Variants in LDLRAD3 observed in about 807,000 individuals in gnomAD.
The protein encoded by LDLRAD3 is low-density lipoprotein receptor class A domain-containing protein 3.
A neutral mutation model predicts 29.4 loss-of-function variants in LDLRAD3; 20 were observed. The observed-to-expected ratio is 0.68, with a 90% CI of 0.48 to 0.99. LDLRAD3 has a LOEUF of 0.99. LDLRAD3 is among the 50% of genes least tolerant of loss of function. The pLI, the probability that LDLRAD3 is intolerant of heterozygous loss-of-function variation, is 0.00. For synonymous variants in LDLRAD3, 157 were observed against 192.7 expected, an observed-to-expected ratio of 0.81 and a Z score of 1.53; for missense variants, 420 against 454.3, an observed-to-expected ratio of 0.92 and a Z score of 0.69.
intron 4 of LDLRAD3, among the ~76,000 whole-genome samples, chr11:36,115,281 G>C (rs1853659283): frequency 6.6e-6 from 1 of 152,198 alleles, no homozygotes; most frequent in East Asian, 1.9e-4. Flanking sequence ...CTAAACCATA[G>C]AAACTGTGAG....
intron 1 of LDLRAD3, among the ~76,000 whole-genome samples, chr11:35,966,707 A>G (rs1347255096): frequency 6.6e-6 from 1 of 152,188 alleles, no homozygotes; most frequent in African/African-American, 2.4e-5. Context: ...AGTTATATAC[A>G]GTCTTACTTT....
At chr11:36,182,120 G>A (rs1252542790) in intron 4 of LDLRAD3, among the ~76,000 whole-genome samples, 1 of 152,228 alleles carries the variant, frequency 6.6e-6, no homozygotes, top group African/African-American at 2.4e-5. Flanking sequence ...CTAGACAGGA[G>A]TGGTGGAAGT....
intron 4 of LDLRAD3, among the ~76,000 whole-genome samples, chr11:36,150,387 G>T (rs528914160): frequency 1.3e-5 from 2 of 152,028 alleles, no homozygotes; most frequent in Non-Finnish European, 2.9e-5. Context: ...AATTAGCCAG[G>T]CGTGGTACCA....
At position 35,992,148 on chromosome 11, in the gene LDLRAD3, G is replaced by T. The variant is rs139956923; in HGVS notation, c.47-43955G>T. 6.1e-4 allele frequency among the ~76,000 whole-genome samples: 93 copies of T among 152,270 alleles called. 2 individuals are homozygous for T. The East Asian group carries it at 0.014, about 23-fold the overall frequency. ...TCCAAAGGTTAGATTTCTCTGAAATGACTGGTTTTTCAAGATAGTAGGAAA... is the reference window on the plus strand; with the variant it reads ...TCCAAAGGTTAGATTTCTCTGAAATTACTGGTTTTTCAAGATAGTAGGAAA... On this transcript the variant is annotated intron_variant, in intron 1 of 5. Coordinates refer to ENST00000315571, the MANE Select transcript of LDLRAD3 (RefSeq NM_174902.4).
intron 4 of LDLRAD3, among the ~76,000 whole-genome samples, chr11:36,110,971 G>C (rs1184361050): frequency 6.6e-6 from 1 of 152,174 alleles, no homozygotes; most frequent in Non-Finnish European, 1.5e-5. Context: ...GCCAGAGAGG[G>C]AATAGTATAG....
chr11:36,193,026 A>G (rs759712360), intron 4 of LDLRAD3, among the ~76,000 whole-genome samples: 4 of 152,208 alleles, frequency 2.6e-5, no homozygotes, highest in Non-Finnish European at 5.9e-5. Context: ...ATGTTGTAAC[A>G]TTAAAGAAGA....
intron 2 of LDLRAD3, among the ~76,000 whole-genome samples, chr11:36,064,649 T>G (rs947531683): frequency 6.6e-6 from 1 of 152,108 alleles, no homozygotes; most frequent in African/African-American, 2.4e-5. Context: ...TGTATGAGTT[T>G]GAAATCGTTC....
intron 1 of LDLRAD3, among the ~76,000 whole-genome samples, chr11:36,023,578 AGAG>A (rs1173406593): frequency 6.6e-6 from 1 of 152,238 alleles, no homozygotes; most frequent in African/African-American, 2.4e-5. Context: ...TCAGTCCCTC[AGAG>A]GAGGAGCTCT....
intron 4 of LDLRAD3, among the ~76,000 whole-genome samples, chr11:36,112,413 G>A (rs1020766382): frequency 2.0e-5 from 3 of 152,162 alleles, no homozygotes; most frequent in Admixed American, 6.5e-5. Flanking sequence ...AAAAGTAAAC[G>A]TGAATTCCCC....
At chr11:36,063,487 A>G (rs981567424) in intron 2 of LDLRAD3, among the ~76,000 whole-genome samples, 25 of 152,214 alleles carry the variant, frequency 1.6e-4, no homozygotes, top group Admixed American at 1.5e-3. Flanking sequence ...TGGACATTTC[A>G]TATAATGGAA....
At chr11:36,077,897 G>A (rs1451616459) in intron 2 of LDLRAD3, among the ~76,000 whole-genome samples, 1 of 152,204 alleles carries the variant, frequency 6.6e-6, no homozygotes, top group Non-Finnish European at 1.5e-5. Flanking sequence ...CATTCAGTGA[G>A]TCCCTAGTTC....
intron 1 of LDLRAD3, among the ~76,000 whole-genome samples, chr11:36,023,670 G>A (rs1230845891): frequency 1.3e-5 from 2 of 152,136 alleles, no homozygotes; most frequent in Non-Finnish European, 2.9e-5. Context: ...GCCTGCTATG[G>A]GGACGATTAC....
chr11:36,082,892 C>T (rs1285903832), intron 3 of LDLRAD3, among the ~76,000 whole-genome samples: 2 of 152,220 alleles, frequency 1.3e-5, no homozygotes, highest in Non-Finnish European at 2.9e-5. Flanking sequence ...CCACTGGTCA[C>T]TCTGGTCACT....
chr11:36,084,941 C>T lies in LDLRAD3; in HGVS notation c.319+3163C>T, dbSNP rs142744687. On this transcript the variant is annotated intron_variant, in intron 3 of 5. Coordinates refer to ENST00000315571, the MANE Select transcript of LDLRAD3 (RefSeq NM_174902.4). ...GTGTACGTTAGCCACCCCACAAGACCGTGTTTTAATTTTTGCTTTAAATAT... is the reference window on the plus strand; with the variant it reads ...GTGTACGTTAGCCACCCCACAAGACTGTGTTTTAATTTTTGCTTTAAATAT... Among the ~76,000 whole-genome samples, 869 of 152,252 alleles carry T rather than the reference C, an allele frequency of 5.7e-3. 9 individuals carry two copies. The highest frequency in any genetic ancestry group is 0.02 in the African/African-American group (832 of 41,556).
chr11:36,013,997 C>T (rs995781357), intron 1 of LDLRAD3, among the ~76,000 whole-genome samples: 1 of 152,080 alleles, frequency 6.6e-6, no homozygotes, highest in Non-Finnish European at 1.5e-5. Flanking sequence ...GTAAAAAAGT[C>T]TTCAGTTGGT....
intron 1 of LDLRAD3, among the ~76,000 whole-genome samples, chr11:36,026,736 C>T (rs568995502): frequency 6.6e-6 from 1 of 152,350 alleles, no homozygotes; most frequent in Admixed American, 6.5e-5. Flanking sequence ...GACACTCCCA[C>T]AAGTGCCATA....
chr11:36,164,136 T>G (rs973536022), intron 4 of LDLRAD3, among the ~76,000 whole-genome samples: 3 of 152,204 alleles, frequency 2.0e-5, no homozygotes, highest in African/African-American at 7.2e-5. Context: ...GCTGATATCA[T>G]GGTTGAGCCC....
chr11:36,081,678 A>T lies in LDLRAD3; in HGVS notation c.219A>T (p.Pro73=), dbSNP rs1138807. 1 of 1,613,776 alleles carries T rather than the reference A, an allele frequency of 6.2e-7. No individual in the cohort carries two copies. ...CCAAGGCTAAGTCGAAATGTGGCCC[A>T]ACCTTCTTCCCCTGTGCCAGCGGCA... ...ECPKAKSKCG[P]TFFPCASGIH... Residue 73 remains proline, a synonymous_variant, in exon 3 of 6, where the codon CCA becomes CCT. Transcript: ENST00000315571.
At chr11:36,027,294 A>G (rs1852179733) in intron 1 of LDLRAD3, among the ~76,000 whole-genome samples, 1 of 152,212 alleles carries the variant, frequency 6.6e-6, no homozygotes, top group African/African-American at 2.4e-5. Context: ...CTCATCGGTG[A>G]AAGTACCTGT....
Sources: gnomAD v4.1 joint callset for allele counts (sites outside exome capture counted in the v4.1 genomes callset) on GRCh38, gnomAD v4.1.1 for gene constraint, MANE v1.5 for transcripts, NCBI Gene and HGNC (gene_info 2026-07-23, HGNC 2026-07-21) for gene names.